Variants in HIVEP3 observed in about 807,000 individuals in gnomAD.
HIVEP3 encodes transcription factor HIVEP3.
In HIVEP3, 49 loss-of-function variants were observed where a neutral mutation model predicts 152.8. The ratio of observed to expected loss-of-function variants is 0.32; its 90% CI spans 0.26 to 0.41. HIVEP3 has a LOEUF of 0.41. Among genes scored for constraint, HIVEP3 ranks in the 10% least tolerant of loss-of-function variants. The pLI is 1.00. For synonymous variants in HIVEP3, 1,269 were observed against 1,289.0 expected (o/e 0.98, Z 0.33); for missense variants, 2,790 against 3,103.3 (o/e 0.90, Z 2.40).
At chr1:41,712,715 C>T (rs1646532626) in intron 1 of HIVEP3, among the ~76,000 whole-genome samples, 1 of 152,254 alleles carries the variant, frequency 6.6e-6, no homozygotes, top group African/African-American at 2.4e-5. Context: ...TCTCTTGTAT[C>T]ACAGGCCAGA....
intron 1 of HIVEP3, among the ~76,000 whole-genome samples, chr1:41,734,421 T>G (rs1296089805): frequency 2.6e-5 from 4 of 152,094 alleles, no homozygotes; most frequent in Admixed American, 6.5e-5. Context: ...CTGGACTAAC[T>G]CGGCAAATGT....
intron 1 of HIVEP3, among the ~76,000 whole-genome samples, chr1:41,817,940 G>A (rs960191028): frequency 6.6e-6 from 1 of 152,170 alleles, no homozygotes; most frequent in Non-Finnish European, 1.5e-5. Context: ...AGGGAGACTG[G>A]CCTGGGTTCC....
chr1:41,542,727 T>C (rs1434502156), intron 5 of HIVEP3: 2 of 152,874 alleles, frequency 1.3e-5, no homozygotes, highest in Admixed American at 1.3e-4. Context: ...CAACATGGAA[T>C]GTGAAGCATT....
intron 1 of HIVEP3, among the ~76,000 whole-genome samples, chr1:41,780,630 A>C (rs1648988203): frequency 1.3e-5 from 2 of 152,176 alleles, no homozygotes; most frequent in African/African-American, 4.8e-5. Flanking sequence ...TGCCCCACAG[A>C]GGTCAAACCA....
intron 1 of HIVEP3, among the ~76,000 whole-genome samples, chr1:41,884,003 C>A (rs1644303219): frequency 6.6e-6 from 1 of 152,224 alleles, no homozygotes; most frequent in South Asian, 2.1e-4. Flanking sequence ...CACTCTGTCA[C>A]CCAGGCTAGA....
chr1:41,989,489 G>A (rs1645344024), intron 1 of HIVEP3, among the ~76,000 whole-genome samples: 1 of 152,142 alleles, frequency 6.6e-6, no homozygotes, highest in Admixed American at 6.6e-5. Flanking sequence ...ATATTTTATA[G>A]CAAGTGGTCA....
intron 1 of HIVEP3, among the ~76,000 whole-genome samples, chr1:41,897,478 C>T (rs894916620): frequency 2.0e-5 from 3 of 152,250 alleles, no homozygotes; most frequent in East Asian, 3.9e-4. Flanking sequence ...TCTGAGGACA[C>T]GTAGAAGGCA....
chr1:41,932,219 G>A (rs1323008746), intron 1 of HIVEP3, among the ~76,000 whole-genome samples: 1 of 151,496 alleles, frequency 6.6e-6, no homozygotes, highest in Non-Finnish European at 1.5e-5. Context: ...TCTTTTCCTT[G>A]GTTCTGTAAA....
intron 1 of HIVEP3, among the ~76,000 whole-genome samples, chr1:41,821,112 G>A (rs1363749747): frequency 1.3e-5 from 2 of 152,154 alleles, no homozygotes; most frequent in African/African-American, 2.4e-5. Context: ...AAAGCTCTTA[G>A]GTGGCTGCTG....
chr1:41,512,671 G>A (rs1049991982), intron 8 of HIVEP3, 145 bp downstream of exon 8: 13 of 677,422 alleles, frequency 1.9e-5, no homozygotes, highest in Middle Eastern at 8.2e-4. Context: ...CACAGTAGGT[G>A]CCTAATAAAT....
At chr1:41,746,329 G>C (rs1000762424) in intron 1 of HIVEP3, among the ~76,000 whole-genome samples, 2 of 152,198 alleles carry the variant, frequency 1.3e-5, no homozygotes, top group South Asian at 2.1e-4. Flanking sequence ...TAGAAACCAA[G>C]GGCTTCAAAA....
Position 41,584,968 on chromosome 1 carries a change from G to A in HIVEP3, c.-171C>T. On this transcript the variant is annotated 5_prime_UTR_variant, in exon 4 of 9. Coordinates refer to ENST00000372583, the MANE Select transcript of HIVEP3 (RefSeq NM_024503.5). The surrounding 1 kb of genome is among the most constrained non-coding windows in gnomAD (Gnocchi z 5.2). ...TTTTTGCAAGTGTCACTGGCTGTGA[G>A]TGGACTCGGAGCAGGTCATCAGGGC... is the stretch of plus-strand genomic sequence containing the variant. The A allele has an allele frequency of 2.0e-6, 1 of 503,306 alleles. No homozygotes were observed. Among genetic ancestry groups the A allele is most frequent in the East Asian group, 3.2e-5 (1 of 31,278 alleles). The allele number at this position is 503,306 out of a possible 1,614,324, so 31.2% of individuals were successfully genotyped here.
At chr1:41,757,276 C>T (rs558010448) in intron 1 of HIVEP3, among the ~76,000 whole-genome samples, 37 of 151,906 alleles carry the variant, frequency 2.4e-4, no homozygotes, top group Non-Finnish European at 3.1e-4. Context: ...CCACCATGCC[C>T]GGCTAATTTT....
chr1:41,635,476 C>CTATATATACA (rs1645254401), intron 2 of HIVEP3, among the ~76,000 whole-genome samples: 1 of 131,554 alleles, frequency 7.6e-6, no homozygotes, highest in Admixed American at 7.4e-5. Context: ...GCAACCACAA[C>CTATATATACA]TATATATATA....
intron 1 of HIVEP3, among the ~76,000 whole-genome samples, chr1:41,779,241 A>C (rs1015934644): frequency 6.6e-6 from 1 of 152,000 alleles, no homozygotes; most frequent in African/African-American, 2.4e-5. Context: ...AGGTGTCTGC[A>C]GTGGAGTGGT....
chr1:41,565,736 C>T (rs183190497), intron 5 of HIVEP3, among the ~76,000 whole-genome samples: 44 of 152,220 alleles, frequency 2.9e-4, no homozygotes, highest in African/African-American at 9.6e-4. Flanking sequence ...GCTACATCCT[C>T]GTTGTAGCTC....
intron 1 of HIVEP3, chr1:41,869,741 T>C (rs1367901967): frequency 6.6e-6 from 1 of 152,186 alleles, no homozygotes; most frequent in Non-Finnish European, 1.5e-5. Context: ...GCATCATGGG[T>C]GTAAGCATAT....
intron 5 of HIVEP3, among the ~76,000 whole-genome samples, chr1:41,526,418 C>T (rs1642912865): frequency 7.1e-6 from 1 of 140,960 alleles, no homozygotes; most frequent in Non-Finnish European, 1.5e-5. Context: ...CCACACTCAC[C>T]CTCACACTCA....
rs938081767 is a variant in HIVEP3, at chr1:41,510,695, T to C, written c.6977A>G (p.Gln2326Arg). 14 of 1,522,936 alleles carry C rather than the reference T, an allele frequency of 9.2e-6. 1 individual carries two copies. The highest frequency in any genetic ancestry group is 5.0e-5 in the South Asian group (4 of 80,784). 94.3% of individuals were successfully genotyped at this position (1,522,936 alleles called of 1,614,324 possible). The change falls in exon 9 of 9, where the codon CAG becomes CGG. Residue 2326 changes from glutamine (Q) to arginine (R), a missense_variant. Physicochemically the swap from Gln to Arg is conservative, Grantham distance 43. Coordinates refer to ENST00000372583, the MANE Select transcript of HIVEP3 (RefSeq NM_024503.5). ...GGACTCCAAGCGGGGGCTCCAGGACTGCGCTGCCCGGCGTCCCTGGGGCGG... is the reference window on the plus strand; with the variant it reads ...GGACTCCAAGCGGGGGCTCCAGGACCGCGCTGCCCGGCGTCCCTGGGGCGG... ...PRPPQGRRAA[Q>R]SWSPRLESPR...
Sources: gnomAD v4.1 joint callset for allele counts (sites outside exome capture counted in the v4.1 genomes callset) on GRCh38, gnomAD v4.1.1 for gene constraint, Gnocchi (gnomAD v3.1) non-coding constraint, MANE v1.5 for transcripts, NCBI Gene and HGNC (gene_info 2026-07-23, HGNC 2026-07-21) for gene names.